Variants in FGGY observed in about 807,000 individuals in gnomAD.
FGGY encodes FGGY carbohydrate kinase domain-containing protein.
A neutral mutation model predicts 71.3 loss-of-function variants in FGGY; 72 were observed. That is an observed-to-expected ratio of 1.01 (90% confidence interval 0.84 to 1.23). The LOEUF (loss-of-function observed/expected upper bound fraction) is 1.23. Ranked by LOEUF, FGGY falls within the 50% of genes most tolerant of loss-of-function variation. The probability of loss-of-function intolerance (pLI) is 0.00; values close to 1 mark genes in which losing one functional copy is unlikely to be tolerated. For missense variants in FGGY, 668 were observed against 682.3 expected (o/e 0.98, Z 0.23); for synonymous variants, 251 against 250.3 (o/e 1.00, Z -0.02).
intron 5 of FGGY, chr1:59,393,230 C>T (rs2060908902): frequency 6.6e-6 from 1 of 152,126 alleles, no homozygotes. Context: ...GTGTTTGGAC[C>T]TTTAATTAAC....
intron 4 of FGGY, among the ~76,000 whole-genome samples, chr1:59,351,387 A>G (rs1385499007): frequency 6.6e-6 from 1 of 152,190 alleles, no homozygotes; most frequent in Non-Finnish European, 1.5e-5. Flanking sequence ...CTCTCTTGAA[A>G]AGCCTTTCCT....
intron 3 of FGGY, among the ~76,000 whole-genome samples, chr1:59,344,509 T>C (rs1276908603): frequency 1.3e-5 from 2 of 152,172 alleles, no homozygotes; most frequent in Admixed American, 6.6e-5. Context: ...GTTGCTGTTC[T>C]TAAACACATT....
intron 1 of FGGY, among the ~76,000 whole-genome samples, chr1:59,301,229 G>T (rs2042692099): frequency 6.6e-6 from 1 of 152,058 alleles, no homozygotes; most frequent in African/African-American, 2.4e-5. Flanking sequence ...TGATGATATT[G>T]TAAATGATAT....
chr1:59,660,170 G>A (rs756666859), intron 11 of FGGY, 49 bp from the exon 12 acceptor site: 15 of 1,514,574 alleles, frequency 9.9e-6, no homozygotes, highest in South Asian at 5.6e-5. Context: ...CTTTATCCAC[G>A]GCAGCTTCTT....
At chr1:59,641,308 C>T in intron 11 of FGGY, 1 of 1,608,596 alleles carries the variant, frequency 6.2e-7, no homozygotes, top group East Asian at 2.2e-5. Flanking sequence ...TATATTCCGG[C>T]TTTGGCAGCG....
rs966340472 is a variant in FGGY at position 59,369,594 on chromosome 1, G to C, written c.466-9155G>C. Among the ~76,000 whole-genome samples the C allele has an allele frequency of 5.3e-5, 8 of 152,312 alleles. No individual in the cohort carries two copies. The East Asian group carries it at 7.7e-4, about 15-fold the overall frequency. On this transcript the variant is annotated intron_variant, in intron 4 of 15. Transcript: ENST00000303721. ...CAGCACGCAGCTGGAGATCTGAGAA[G>C]GGGCAGACTGCCTCCTCAAGTGGGT...
intron 14 of FGGY, among the ~76,000 whole-genome samples, chr1:59,729,696 G>A (rs913045781): frequency 5.9e-5 from 9 of 152,142 alleles, no homozygotes; most frequent in Non-Finnish European, 1.3e-4. Context: ...TCATGTCGAT[G>A]TGGTTTTAAG....
intron 12 of FGGY, among the ~76,000 whole-genome samples, chr1:59,665,585 G>A (rs926413796): frequency 6.6e-6 from 1 of 151,902 alleles, no homozygotes; most frequent in Admixed American, 6.6e-5. Flanking sequence ...TCCCCAGACA[G>A]CCTTGTCAAA....
At chr1:59,557,094 A>C (rs1288374066) in intron 8 of FGGY, among the ~76,000 whole-genome samples, 1 of 152,278 alleles carries the variant, frequency 6.6e-6, no homozygotes, top group African/African-American at 2.4e-5. Flanking sequence ...CTGGGAACCC[A>C]GCAACAATAA....
At chr1:59,528,400 G>T (rs1361541894) in intron 7 of FGGY, among the ~76,000 whole-genome samples, 1 of 152,134 alleles carries the variant, frequency 6.6e-6, no homozygotes, top group East Asian at 1.9e-4. Context: ...CAGCTAGTGT[G>T]GTTGAACAGA....
intron 9 of FGGY, among the ~76,000 whole-genome samples, chr1:59,611,642 G>T (rs2096680823): frequency 6.6e-6 from 1 of 152,202 alleles, no homozygotes; most frequent in Non-Finnish European, 1.5e-5. Flanking sequence ...GAACAAAGCT[G>T]GACGGAGTAT....
chr1:59,731,273 A>G (rs1454463228), intron 14 of FGGY, among the ~76,000 whole-genome samples: 2 of 152,242 alleles, frequency 1.3e-5, no homozygotes, highest in Non-Finnish European at 2.9e-5. Flanking sequence ...AAGGCGGGAA[A>G]GAAAAATAAA....
intron 5 of FGGY, among the ~76,000 whole-genome samples, chr1:59,403,615 A>G (rs1476817437): frequency 1.3e-5 from 2 of 152,190 alleles, no homozygotes. Flanking sequence ...TGGCAAAAGG[A>G]CAGCATATGG....
intron 5 of FGGY, among the ~76,000 whole-genome samples, chr1:59,397,557 G>A (rs2061468774): frequency 6.6e-6 from 1 of 151,958 alleles, no homozygotes; most frequent in Admixed American, 6.5e-5. Flanking sequence ...GGACTATACT[G>A]GATGTAGGAA....
At chr1:59,653,800 G>C (rs936116312) in intron 11 of FGGY, among the ~76,000 whole-genome samples, 1 of 152,164 alleles carries the variant, frequency 6.6e-6, no homozygotes, top group African/African-American at 2.4e-5. Flanking sequence ...TTTTAAGCCA[G>C]CAATGATGGG....
chr1:59,328,452 G>A (rs2047828151), intron 2 of FGGY, among the ~76,000 whole-genome samples: 2 of 152,192 alleles, frequency 1.3e-5, no homozygotes, highest in South Asian at 4.1e-4. Flanking sequence ...CTGTGCTCTG[G>A]ATTAAGCTTT....
At chr1:59,693,899 C>T (rs964864623) in intron 14 of FGGY, among the ~76,000 whole-genome samples, 7 of 151,972 alleles carry the variant, frequency 4.6e-5, no homozygotes, top group African/African-American at 7.3e-5. Context: ...CTCAGCTACT[C>T]GGGAGGCTGA....
intron 1 of FGGY, among the ~76,000 whole-genome samples, chr1:59,311,336 G>A (rs1342671126): frequency 6.6e-6 from 1 of 151,208 alleles, no homozygotes; most frequent in African/African-American, 2.4e-5. Context: ...ATAGGTATAC[G>A]TGTGCCATGG....
At chr1:59,636,430 G>A (rs1433287846) in intron 10 of FGGY, among the ~76,000 whole-genome samples, 2 of 152,054 alleles carry the variant, frequency 1.3e-5, no homozygotes, top group African/African-American at 4.8e-5. Flanking sequence ...GACCATCCTG[G>A]CTAACACGGT....
Sources: gnomAD v4.1 joint callset for allele counts (sites outside exome capture counted in the v4.1 genomes callset) on GRCh38, gnomAD v4.1.1 for gene constraint, MANE v1.5 for transcripts, NCBI Gene and HGNC (gene_info 2026-07-23, HGNC 2026-07-21) for gene names.